ALDH3B2: variants seen among roughly 807,000 people sequenced by gnomAD.
ALDH3B2 encodes aldehyde dehydrogenase 3 family member B2.
A neutral mutation model predicts 36.7 loss-of-function variants in ALDH3B2; 45 were observed. The ratio of observed to expected loss-of-function variants is 1.23; its 90% confidence interval spans 0.97 to 1.57. The LOEUF (loss-of-function observed/expected upper bound fraction) is 1.57, where lower values mean the gene tolerates loss of function less well. Ranked by LOEUF, ALDH3B2 falls within the 40% of genes most tolerant of loss-of-function variation. The pLI, the probability that ALDH3B2 is intolerant of heterozygous loss-of-function variation, is 0.00. For missense variants in ALDH3B2, 464 were observed against 513.3 expected (o/e 0.90, Z 0.93); for synonymous variants, 217 against 226.5 (o/e 0.96, Z 0.38).
In ALDH3B2 at chr11:67,665,300, T is replaced by A. The variant is rs754350548; in HGVS notation, c.691A>T (p.Ser231Cys). 4 of 1,609,328 alleles carry A rather than the reference T, an allele frequency of 2.5e-6. 1 individual carries two copies. The Admixed American group carries it at 6.7e-5, about 27-fold the overall frequency. Residue 231 changes from serine to cysteine, a missense_variant, in exon 7 of 10, where the codon AGC becomes TGC. By Grantham distance (112) the Ser-to-Cys change is moderately radical. Coordinates refer to ENST00000349015, the Ensembl canonical transcript of ALDH3B2. Reference sequence around the variant, plus strand: ...CAGGACTCACCGATGTAGCGATCGCTCTCGTTGCTCTGGCCCCCAATGGCC... The same window carrying A: ...CAGGACTCACCGATGTAGCGATCGCACTCGTTGCTCTGGCCCCCAATGGCC...
At position 67,664,566 on chromosome 11, in the gene ALDH3B2, C is replaced by A; in HGVS notation, c.707-4G>T. ...ACGTCCACCAGCACCGTGGGGGCTGCGGGCACCAGAGACGGCTCAGCCCTG... is the reference window on the plus strand; with the variant it reads ...ACGTCCACCAGCACCGTGGGGGCTGAGGGCACCAGAGACGGCTCAGCCCTG... On this transcript the variant is annotated splice_polypyrimidine_tract_variant and splice_region_variant and intron_variant, in intron 7 of 9. Coordinates refer to ENST00000349015, the Ensembl canonical transcript of ALDH3B2. The A allele has an allele frequency of 6.2e-7, 1 of 1,612,726 alleles. No individual in the cohort carries two copies. The highest frequency in any genetic ancestry group is 8.5e-7 in the Non-Finnish European group (1 of 1,179,922).
At chr11:67,666,851 C>G in intron 3 of ALDH3B2, 55 bp downstream of exon 3, 1 of 1,613,592 alleles carries the variant, frequency 6.2e-7, no homozygotes, top group South Asian at 1.1e-5. Flanking sequence ...GGGGCCTGGG[C>G]CAGAGCTACC....
rs777474383 is a variant in ALDH3B2, at chr11:67,665,284, C to T, written c.706+1G>A. The T allele has an allele frequency of 4.7e-5, 75 of 1,601,698 alleles. No individual in the cohort carries two copies. The highest frequency in any genetic ancestry group is 6.1e-5 in the Non-Finnish European group (71 of 1,173,240). ...GGCTGCGGTAGGGCAGCAGGACTCACCGATGTAGCGATCGCTCTCGTTGCT... is the reference window on the plus strand; with the variant it reads ...GGCTGCGGTAGGGCAGCAGGACTCATCGATGTAGCGATCGCTCTCGTTGCT... On this transcript the variant is annotated splice_donor_variant, in intron 7 of 9. Coordinates refer to ENST00000349015, the Ensembl canonical transcript of ALDH3B2. LOFTEE classifies it high-confidence loss of function.
At chr11:67,668,160 C>G (rs956726895) in intron 1 of ALDH3B2, among the ~76,000 whole-genome samples, 1 of 152,202 alleles carries the variant, frequency 6.6e-6, no homozygotes, top group Non-Finnish European at 1.5e-5. Flanking sequence ...GATGGGGAAA[C>G]TGAAGCCATA....
At chr11:67,664,655 C>A in intron 7 of ALDH3B2, 93 bp from the exon 8 acceptor site, 9 of 1,509,816 alleles carry the variant, frequency 6.0e-6, no homozygotes, top group South Asian at 1.2e-5. Flanking sequence ...TGGGCCAGGG[C>A]TCCAGGCCAG....
rs113365834 is a variant in ALDH3B2, at chr11:67,663,615, G to T, written c.973+47C>A. On this transcript the variant is annotated intron_variant, in intron 9 of 9. Transcript: ENST00000349015. ...AGTGAAGGGACTTCCTGGGTCTGGG[G>T]TACCAAAGCCAAGCTTCCCTAGGGG... is the stretch of plus-strand genomic sequence containing the variant. 6,083 of 1,562,940 alleles carry T rather than the reference G, an allele frequency of 3.9e-3. 26 individuals are homozygous for T. Among genetic ancestry groups the T allele is most frequent in the African/African-American group, 0.01 (771 of 73,886 alleles).
intron 2 of ALDH3B2, 40 bp from the exon 3 acceptor site, chr11:67,667,056 C>T (rs560521172): frequency 3.2e-4 from 404 of 1,277,118 alleles, no homozygotes; most frequent in Non-Finnish European, 3.4e-4. Flanking sequence ...AGGCCCAGAC[C>T]TGGGCCAGGA....
chr11:67,678,989 A>G (rs535995025), upstream of ALDH3B2, among the ~76,000 whole-genome samples: 6 of 152,256 alleles, frequency 3.9e-5, no homozygotes, highest in South Asian at 1.2e-3. Flanking sequence ...GACGCAAAGC[A>G]TAAGAATGAT....
exon 7 of ALDH3B2, chr11:67,665,425 C>T (rs568903096): frequency 2.9e-5 from 47 of 1,613,884 alleles, no homozygotes; most frequent in Middle Eastern, 3.3e-4. Context: ...GCCATAGAAA[C>T]GGGTGATGGT....
chr11:67,675,145 C>G (rs750007549), upstream of ALDH3B2, among the ~76,000 whole-genome samples: 3 of 152,190 alleles, frequency 2.0e-5, no homozygotes, highest in Non-Finnish European at 4.4e-5. Flanking sequence ...CAGATCTTTG[C>G]AGAGAGACCC....
At chr11:67,666,583 G>C in exon 4 of ALDH3B2, 1 of 1,614,032 alleles carries the variant, frequency 6.2e-7, no homozygotes, top group South Asian at 1.1e-5. Context: ...CCTGCGGCGA[G>C]GGCGCCCACC....
intron 1 of ALDH3B2, among the ~76,000 whole-genome samples, chr11:67,670,221 TGTGTCTGTGTGTGTATGG>T (rs1235285208): frequency 8.0e-6 from 1 of 124,762 alleles, no homozygotes; most frequent in African/African-American, 2.9e-5. Flanking sequence ...TGTGTCCACG[TGTGTCTGTGTGTGTATGG>T]GTGTCTGTGT....
chr11:67,665,700 A>T, intron 6 of ALDH3B2, 29 bp from the exon 7 acceptor site: 5 of 1,581,358 alleles, frequency 3.2e-6, no homozygotes, highest in Non-Finnish European at 4.3e-6. Flanking sequence ...CAGAGTGGCC[A>T]GTCAGTGACC....
chr11:67,673,961 GCATGT>G (rs555089208), intron 1 of ALDH3B2, among the ~76,000 whole-genome samples: 2 of 152,294 alleles, frequency 1.3e-5, no homozygotes, highest in African/African-American at 4.8e-5. Context: ...AACAAGCAAT[GCATGT>G]TGCTTTTAAC....
chr11:67,680,702 C>G (rs1196405040), intron 1 of ALDH3B2, among the ~76,000 whole-genome samples: 3 of 152,166 alleles, frequency 2.0e-5, no homozygotes, highest in Non-Finnish European at 4.4e-5. Context: ...CAGATGTGAG[C>G]CACCGCACCT....
chr11:67,666,297 G>A lies in ALDH3B2; in HGVS notation c.237+19C>T. 3 of 1,609,680 alleles carry A rather than the reference G, an allele frequency of 1.9e-6. No homozygotes were observed. Among genetic ancestry groups the A allele is most frequent in the African/African-American group, 2.7e-5 (2 of 74,980 alleles). On this transcript the variant is annotated intron_variant, in intron 5 of 9. Coordinates refer to ENST00000349015, the Ensembl canonical transcript of ALDH3B2. ...ATATATGGGGACGTCGGGCACTGCTGGGGCAGGGCCACCCTCACCTGGTCC... is the reference window on the plus strand; with the variant it reads ...ATATATGGGGACGTCGGGCACTGCTAGGGCAGGGCCACCCTCACCTGGTCC...
chr11:67,664,560 G>C (rs566460680), exon 8 of ALDH3B2: 1 of 1,612,992 alleles, frequency 6.2e-7, no homozygotes, highest in African/African-American at 1.3e-5. Flanking sequence ...AGCACCGTGG[G>C]GGCTGCGGGC....
chr11:67,668,963 G>C (rs1810606971), intron 1 of ALDH3B2, among the ~76,000 whole-genome samples: 1 of 151,128 alleles, frequency 6.6e-6, no homozygotes, highest in East Asian at 2.0e-4. Context: ...GTGTGTATGG[G>C]TGTCTGTGTC....
intron 1 of ALDH3B2, among the ~76,000 whole-genome samples, chr11:67,671,546 CCCT>C (rs1313638730): frequency 1.1e-4 from 11 of 100,602 alleles, no homozygotes; most frequent in African/African-American, 3.3e-4. Flanking sequence ...TGCCTCCCCC[CCCT>C]TTTTTTTTTT....
Sources: allele counts gnomAD v4.1 joint callset (sites outside exome capture counted in the v4.1 genomes callset), GRCh38; gene constraint gnomAD v4.1.1; transcripts MANE v1.5; gene names NCBI Gene and HGNC (gene_info 2026-07-23, HGNC 2026-07-21).